The following EYS variants were observed in gnomAD, a reference collection of about 807,000 sequenced individuals.
The protein encoded by EYS is protein eyes shut homolog.
In EYS, 250 loss-of-function variants were observed where a neutral mutation model predicts 282.1. That is an observed-to-expected ratio of 0.89 (90% CI 0.80 to 0.98). The LOEUF is 0.98. Ranked by LOEUF, EYS falls within the 50% of genes least tolerant of loss-of-function variation. EYS has a pLI of 0.00. For missense variants in EYS, 4,016 were observed against 3,709.0 expected (o/e 1.08, Z -2.15); for synonymous variants, 1,355 against 1,282.9 (o/e 1.06, Z -1.20).
At chr6:65,330,483 G>A (rs1769754714) in intron 11 of EYS, 1 of 984,042 alleles carries the variant, frequency 1.0e-6, no homozygotes, top group African/African-American at 1.8e-5. Context: ...TTAGTCTTTG[G>A]CTCATTAAAC....
At chr6:65,439,036 G>T (rs929922566) in intron 5 of EYS, among the ~76,000 whole-genome samples, 1 of 152,144 alleles carries the variant, frequency 6.6e-6, no homozygotes, top group South Asian at 2.1e-4. Flanking sequence ...TTTGTATAAG[G>T]TGTAAGGAAG....
intron 13 of EYS, among the ~76,000 whole-genome samples, chr6:65,014,879 T>G (rs1017568663): frequency 1.3e-5 from 2 of 152,160 alleles, no homozygotes. Flanking sequence ...TTTGTTGTGG[T>G]AAGCTTATCC....
At chr6:65,216,660 G>A (rs373221726) in intron 12 of EYS, among the ~76,000 whole-genome samples, 2 of 151,634 alleles carry the variant, frequency 1.3e-5, no homozygotes, top group East Asian at 3.9e-4. Flanking sequence ...ATGAAGTTTA[G>A]TATAAATAGA....
At chr6:64,798,004 A>G (rs910398315) in intron 22 of EYS, among the ~76,000 whole-genome samples, 1 of 151,896 alleles carries the variant, frequency 6.6e-6, no homozygotes, top group African/African-American at 2.4e-5. Flanking sequence ...AGATATATAT[A>G]CATATATTAA....
intron 22 of EYS, among the ~76,000 whole-genome samples, chr6:64,690,032 G>A (rs982468998): frequency 3.3e-5 from 5 of 151,842 alleles, no homozygotes; most frequent in African/African-American, 1.2e-4. Flanking sequence ...CCATCAGAGT[G>A]AACAGGCAAC....
At chr6:65,275,367 C>G (rs1044129814) in intron 12 of EYS, among the ~76,000 whole-genome samples, 14 of 152,152 alleles carry the variant, frequency 9.2e-5, no homozygotes, top group African/African-American at 3.1e-4. Context: ...CCCACCAAGT[C>G]ACAACATTGT....
intron 31 of EYS, among the ~76,000 whole-genome samples, chr6:64,152,451 A>G (rs1039197066): frequency 2.5e-4 from 38 of 152,114 alleles, no homozygotes; most frequent in African/African-American, 8.9e-4. Context: ...TTGTGATTAG[A>G]TTTTAGTGCT....
chr6:65,080,465 A>C (rs981794184), intron 12 of EYS, among the ~76,000 whole-genome samples: 5 of 152,110 alleles, frequency 3.3e-5, no homozygotes, highest in Admixed American at 2.0e-4. Context: ...CTATACATTT[A>C]CTGAAATTAT....
At chr6:65,360,525 A>C (rs1389415009) in intron 8 of EYS, among the ~76,000 whole-genome samples, 2 of 152,108 alleles carry the variant, frequency 1.3e-5, no homozygotes, top group African/African-American at 4.8e-5. Flanking sequence ...TTTAACAGAA[A>C]ATTCTCAAGT....
chr6:64,689,692 T>C (rs149886704), intron 22 of EYS, among the ~76,000 whole-genome samples: 538 of 152,290 alleles, frequency 3.5e-3, no homozygotes, highest in Non-Finnish European at 6.5e-3. Context: ...AACCATCTGA[T>C]CTTTGACAAA....
intron 33 of EYS, among the ~76,000 whole-genome samples, chr6:64,023,883 G>T (rs1225655421): frequency 6.6e-6 from 1 of 152,190 alleles, no homozygotes; most frequent in Non-Finnish European, 1.5e-5. Flanking sequence ...TGGCCGGCCG[G>T]CCCCGCCAGC....
chr6:64,549,156 A>T (rs1337250156), intron 26 of EYS, among the ~76,000 whole-genome samples: 1 of 152,194 alleles, frequency 6.6e-6, no homozygotes, highest in African/African-American at 2.4e-5. Flanking sequence ...GTTATTGGGG[A>T]TAACCATGAT....
At chr6:64,428,487 CTT>C (rs971919688) in intron 28 of EYS, among the ~76,000 whole-genome samples, 4 of 152,092 alleles carry the variant, frequency 2.6e-5, no homozygotes, top group African/African-American at 9.7e-5. Flanking sequence ...TAGAACCTCT[CTT>C]ATCAGGTTAG....
intron 2 of EYS, among the ~76,000 whole-genome samples, chr6:65,552,310 C>T (rs903764923): frequency 6.6e-6 from 1 of 152,088 alleles, no homozygotes; most frequent in Non-Finnish European, 1.5e-5. Context: ...TGACCCTAAG[C>T]AAAAGTGATC....
chr6:64,500,171 C>A (rs747727405), intron 26 of EYS, among the ~76,000 whole-genome samples: 1 of 151,982 alleles, frequency 6.6e-6, no homozygotes, highest in Non-Finnish European at 1.5e-5. Flanking sequence ...ATCCTGTATA[C>A]AGATCCAGTT....
chr6:64,266,904 TG>T (rs1019004119), intron 30 of EYS, among the ~76,000 whole-genome samples: 1 of 152,064 alleles, frequency 6.6e-6, no homozygotes, highest in Non-Finnish European at 1.5e-5. Context: ...CTGCAAATAG[TG>T]AGCACTAAAG....
chr6:65,573,563 C>T (rs1015826961), intron 2 of EYS, among the ~76,000 whole-genome samples: 5 of 152,150 alleles, frequency 3.3e-5, no homozygotes, highest in Admixed American at 1.3e-4. Context: ...CATATGTTCA[C>T]GCAGGTATTC....
chr6:65,237,833 G>T (rs897693951), intron 12 of EYS, among the ~76,000 whole-genome samples: 13 of 152,086 alleles, frequency 8.5e-5, no homozygotes, highest in Non-Finnish European at 4.4e-5. Flanking sequence ...GTATGGGTAT[G>T]CAAGAAATTG....
At chr6:64,021,051 TA>T (rs1448654397) in intron 33 of EYS, among the ~76,000 whole-genome samples, 2 of 152,108 alleles carry the variant, frequency 1.3e-5, no homozygotes, top group African/African-American at 2.4e-5. Flanking sequence ...ATAGTCTTCC[TA>T]AAAATCTTTT....
Sources: allele counts gnomAD v4.1 joint callset (sites outside exome capture counted in the v4.1 genomes callset), GRCh38; gene constraint gnomAD v4.1.1; transcripts MANE v1.5; gene names NCBI Gene and HGNC (gene_info 2026-07-23, HGNC 2026-07-21).